NEDD9: variants seen among roughly 807,000 people sequenced by gnomAD.
NEDD9 encodes enhancer of filamentation 1.
A neutral mutation model predicts 76.6 loss-of-function variants in NEDD9; 26 were observed. The observed-to-expected ratio is 0.34, with a 90% CI of 0.25 to 0.47. The LOEUF (loss-of-function observed/expected upper bound fraction) is 0.47, where lower values mean the gene tolerates loss of function less well. NEDD9 is among the 20% of genes least tolerant of loss of function. The pLI is 1.00. For synonymous variants in NEDD9, 392 were observed against 414.2 expected, an observed-to-expected ratio of 0.95 and a Z score of 0.65; for missense variants, 937 against 1,058.5, an observed-to-expected ratio of 0.89 and a Z score of 1.59.
At chr6:11,225,904 A>G (rs1021582884) in intron 1 of NEDD9, among the ~76,000 whole-genome samples, 2 of 150,702 alleles carry the variant, frequency 1.3e-5, no homozygotes, top group African/African-American at 4.9e-5. Flanking sequence ...TAATATCTCC[A>G]TGACAGCTGC....
intron 1 of NEDD9, among the ~76,000 whole-genome samples, chr6:11,371,207 C>T (rs1398758472): frequency 1.3e-5 from 2 of 152,196 alleles, no homozygotes; most frequent in Non-Finnish European, 2.9e-5. Context: ...CACACAGGCT[C>T]TCCCACTGTC....
chr6:11,371,818 T>A (rs1261106165), intron 1 of NEDD9, among the ~76,000 whole-genome samples: 1 of 152,072 alleles, frequency 6.6e-6, no homozygotes, highest in Non-Finnish European at 1.5e-5. Flanking sequence ...ATATTCTAAT[T>A]AAAGGCTGTT....
Position 11,223,008 on chromosome 6 carries a change from CTG to C in NEDD9, c.13-9283_13-9282del, listed in dbSNP as rs138030049. ...GTTTAGTGGCATTTTTTGGTTGTCA[CTG>C]TGTGTGTGTGTGCATGTGCACATGC... On this transcript the variant is annotated intron_variant, in intron 1 of 6. Transcript: ENST00000379446. Among the ~76,000 whole-genome samples the C allele has an allele frequency of 5.1e-3, 775 of 151,830 alleles. 5 individuals carry two copies. The highest frequency in any genetic ancestry group is 0.018 in the African/African-American group (736 of 41,484).
At chr6:11,355,011 C>T (rs1762539603) in intron 1 of NEDD9, among the ~76,000 whole-genome samples, 1 of 152,214 alleles carries the variant, frequency 6.6e-6, no homozygotes, top group Admixed American at 6.5e-5. Context: ...CCCAAGCTGA[C>T]ATACTCCATC....
At chr6:11,292,285 T>C (rs1382804258) in intron 3 of NEDD9, among the ~76,000 whole-genome samples, 2 of 152,234 alleles carry the variant, frequency 1.3e-5, no homozygotes, top group African/African-American at 4.8e-5. Flanking sequence ...GGAAAGCCTG[T>C]TTAAGCTTCG....
At chr6:11,365,161 C>A (rs1368678358) in intron 1 of NEDD9, among the ~76,000 whole-genome samples, 2 of 152,174 alleles carry the variant, frequency 1.3e-5, no homozygotes, top group Admixed American at 6.5e-5. Context: ...TTGTTGAAAT[C>A]ATTTCTCAAT....
At chr6:11,332,341 C>A (rs1348168974) in intron 2 of NEDD9, among the ~76,000 whole-genome samples, 4 of 152,214 alleles carry the variant, frequency 2.6e-5, no homozygotes, top group Non-Finnish European at 5.9e-5. Flanking sequence ...GACTACTTCA[C>A]TGAGTGTGAA....
intron 3 of NEDD9, among the ~76,000 whole-genome samples, chr6:11,248,107 G>C (rs779528003): frequency 4.6e-5 from 7 of 151,636 alleles, no homozygotes; most frequent in Admixed American, 6.6e-5. Flanking sequence ...TTGGGATATA[G>C]AGCTGAAAGT....
At chr6:11,326,306 C>T (rs1216926645) in intron 2 of NEDD9, among the ~76,000 whole-genome samples, 1 of 152,170 alleles carries the variant, frequency 6.6e-6, no homozygotes, top group Non-Finnish European at 1.5e-5. Context: ...CCCAGGTCCT[C>T]CCTGCTCATG....
At chr6:11,315,878 G>T (rs7765241) in intron 2 of NEDD9, among the ~76,000 whole-genome samples, 3 of 152,028 alleles carry the variant, frequency 2.0e-5, no homozygotes, top group South Asian at 2.1e-4. Context: ...CAAACAGCAA[G>T]GTATTCCAAA....
At chr6:11,329,731 C>T (rs578230733) in intron 2 of NEDD9, among the ~76,000 whole-genome samples, 1 of 151,856 alleles carries the variant, frequency 6.6e-6, no homozygotes, top group African/African-American at 2.4e-5. Context: ...AGCAATGTCT[C>T]GAGATGTTTT....
chr6:11,195,918 C>T (rs1050783642), intron 2 of NEDD9, among the ~76,000 whole-genome samples: 8 of 151,636 alleles, frequency 5.3e-5, no homozygotes, highest in Non-Finnish European at 1.2e-4. Context: ...CACTTGAATT[C>T]GAGAGGCGGA....
Position 11,302,415 on chromosome 6 carries a change from A to G in NEDD9, c.12+3577T>C, listed in dbSNP as rs185401925. 4.1e-3 allele frequency among the ~76,000 whole-genome samples: 619 copies of G among 152,344 alleles called. 6 individuals are homozygous for G. In the East Asian group the frequency reaches 0.052, roughly 13 times the overall value. ...AAAAAGTCCAGGACCAGACAGATTC[A>G]CAGCTGAATTCTACCAGAGGTACAA... On this transcript the variant is annotated intron_variant, in intron 3 of 3. Coordinates refer to the NEDD9 transcript ENST00000397378.
chr6:11,244,899 C>T (rs1220547118), intron 3 of NEDD9, among the ~76,000 whole-genome samples: 1 of 152,210 alleles, frequency 6.6e-6, no homozygotes, highest in Admixed American at 6.5e-5. Context: ...TACTCTTAGA[C>T]AACTCAGTTC....
intron 1 of NEDD9, among the ~76,000 whole-genome samples, chr6:11,343,360 C>A (rs1321730059): frequency 2.0e-5 from 3 of 151,584 alleles, no homozygotes; most frequent in Non-Finnish European, 4.4e-5. Context: ...ATCTGGGAGG[C>A]AGAGGTTGCA....
rs369176383 is a variant in NEDD9 at position 11,318,159 on chromosome 6, A to G, written c.-152-12004T>C. On this transcript the variant is annotated intron_variant, in intron 2 of 3. Transcript: ENST00000397378. Reference sequence around the variant, plus strand: ...TCCAGAGCCTCAGACGCAGACAGGAACCACACCATCAGCTCTCTTGGGTCC... The same window carrying G: ...TCCAGAGCCTCAGACGCAGACAGGAGCCACACCATCAGCTCTCTTGGGTCC... 2.4e-4 allele frequency among the ~76,000 whole-genome samples: 37 copies of G among 152,246 alleles called. 1 individual carries two copies. In the East Asian group the frequency reaches 4.1e-3, roughly 17 times the overall value.
chr6:11,307,647 T>C (rs370985729), intron 2 of NEDD9, among the ~76,000 whole-genome samples: 11 of 152,114 alleles, frequency 7.2e-5, no homozygotes, highest in African/African-American at 9.6e-5. Context: ...TATATATATA[T>C]ACACACACAC....
intron 1 of NEDD9, among the ~76,000 whole-genome samples, chr6:11,343,811 C>T (rs1416569538): frequency 2.0e-5 from 3 of 152,272 alleles, no homozygotes; most frequent in East Asian, 1.9e-4. Flanking sequence ...AGATTTTAGT[C>T]TAATTCCAAT....
chr6:11,364,311 G>A (rs151166438), intron 1 of NEDD9, among the ~76,000 whole-genome samples: 3 of 152,200 alleles, frequency 2.0e-5, no homozygotes, highest in African/African-American at 7.2e-5. Flanking sequence ...GCTCATGTCT[G>A]GTTTCTTCTG....
Sources: allele counts gnomAD v4.1 joint callset (sites outside exome capture counted in the v4.1 genomes callset), GRCh38; gene constraint gnomAD v4.1.1; transcripts MANE v1.5; gene names NCBI Gene and HGNC (gene_info 2026-07-23, HGNC 2026-07-21).